The following TRPC4AP variants were observed in gnomAD, a reference collection of about 807,000 sequenced individuals.
TRPC4AP encodes short transient receptor potential channel 4-associated protein.
In TRPC4AP, 45 loss-of-function variants were observed where a neutral mutation model predicts 99.0. The ratio of observed to expected loss-of-function variants is 0.45; its 90% CI spans 0.36 to 0.58. The LOEUF (loss-of-function observed/expected upper bound fraction) is 0.58, where lower values mean the gene tolerates loss of function less well. Among genes scored for constraint, TRPC4AP ranks in the 20% least tolerant of loss-of-function variants. TRPC4AP has a pLI of 0.00. For missense variants in TRPC4AP, 879 were observed against 985.3 expected (o/e 0.89, Z 1.44); for synonymous variants, 408 against 385.8 (o/e 1.06, Z -0.67).
intron 9 of TRPC4AP, among the ~76,000 whole-genome samples, chr20:35,018,604 G>GAAAAAAAAAAAAAAAAA (rs11479211): frequency 4.2e-4 from 37 of 88,924 alleles, no homozygotes; most frequent in Non-Finnish European, 6.2e-4. Flanking sequence ...CTCAAAAAAA[G>GAAAAAAAAAAAAAAAAA]AAAAAAAAAA....
intron 11 of TRPC4AP, among the ~76,000 whole-genome samples, chr20:35,011,984 T>C (rs1352568987): frequency 6.6e-6 from 1 of 152,258 alleles, no homozygotes; most frequent in Admixed American, 6.5e-5. Flanking sequence ...TTTCAGACTC[T>C]GCCCTTCATG....
intron 9 of TRPC4AP, among the ~76,000 whole-genome samples, chr20:35,018,881 G>A (rs1224332615): frequency 6.6e-6 from 1 of 152,126 alleles, no homozygotes; most frequent in African/African-American, 2.4e-5. Flanking sequence ...TTGAACCCAA[G>A]TCCCTTGATA....
intron 8 of TRPC4AP, among the ~76,000 whole-genome samples, chr20:35,033,001 A>G (rs2083236906): frequency 6.6e-6 from 1 of 151,918 alleles, no homozygotes; most frequent in African/African-American, 2.4e-5. Flanking sequence ...TCAGGAGTTC[A>G]ATACCAGCAA....
intron 2 of TRPC4AP, among the ~76,000 whole-genome samples, chr20:35,073,572 G>C (rs1030539914): frequency 3.3e-5 from 5 of 152,140 alleles, no homozygotes; most frequent in African/African-American, 9.7e-5. Context: ...GATGGATTAC[G>C]TTTATTGATT....
intron 7 of TRPC4AP, among the ~76,000 whole-genome samples, chr20:35,043,022 C>A (rs1349210907): frequency 6.7e-6 from 1 of 150,300 alleles, no homozygotes; most frequent in African/African-American, 2.4e-5. Context: ...CTTATTCTCC[C>A]CCTGACTTAA....
chr20:35,010,809 C>T (rs6579208), intron 11 of TRPC4AP, among the ~76,000 whole-genome samples: 21,145 of 152,134 alleles, frequency 0.14, 1,845 homozygotes, highest in African/African-American at 0.25. Flanking sequence ...AGTCATCACA[C>T]GGTGCCAAAA....
chr20:35,080,538 A>AC (rs1478393777), intron 1 of TRPC4AP, among the ~76,000 whole-genome samples: 3 of 141,326 alleles, frequency 2.1e-5, no homozygotes, highest in Non-Finnish European at 4.6e-5. Flanking sequence ...TCCATCTAAA[A>AC]AAAAAAAAAA....
chr20:35,006,653 T>C (rs992937125), intron 14 of TRPC4AP, 78 bp from the exon 15 acceptor site: 30 of 1,550,050 alleles, frequency 1.9e-5, no homozygotes, highest in Middle Eastern at 3.5e-4. Context: ...AGACCATGCA[T>C]TGGCTTTGAG....
intron 2 of TRPC4AP, among the ~76,000 whole-genome samples, chr20:35,071,147 T>A (rs2084303781): frequency 6.6e-6 from 1 of 152,222 alleles, no homozygotes; most frequent in African/African-American, 2.4e-5. Flanking sequence ...AAGACTAAGT[T>A]TAATTAGTTT....
chr20:35,084,544 GTATA>G (rs548807714), intron 1 of TRPC4AP, among the ~76,000 whole-genome samples: 1 of 146,314 alleles, frequency 6.8e-6, no homozygotes, highest in African/African-American at 2.5e-5. Flanking sequence ...ATATGTATAT[GTATA>G]TATGTTTATA....
intron 2 of TRPC4AP, among the ~76,000 whole-genome samples, chr20:35,073,225 G>C (rs1569144541): frequency 6.6e-6 from 1 of 152,080 alleles, no homozygotes; most frequent in Non-Finnish European, 1.5e-5. Context: ...CTGCAAACAG[G>C]GACAATTTGA....
chr20:35,085,820 G>T (rs2084826061), intron 1 of TRPC4AP, among the ~76,000 whole-genome samples: 1 of 152,002 alleles, frequency 6.6e-6, no homozygotes, highest in Non-Finnish European at 1.5e-5. Flanking sequence ...TAGCAAATAT[G>T]ACATTTCTAG....
intron 5 of TRPC4AP, among the ~76,000 whole-genome samples, chr20:35,052,646 C>A (rs1239413168): frequency 1.3e-5 from 2 of 152,034 alleles, no homozygotes; most frequent in Non-Finnish European, 2.9e-5. Flanking sequence ...CATGTACCAC[C>A]ACACCTGGCT....
intron 8 of TRPC4AP, among the ~76,000 whole-genome samples, chr20:35,023,910 T>G (rs994241114): frequency 1.3e-5 from 2 of 152,230 alleles, no homozygotes; most frequent in African/African-American, 4.8e-5. Flanking sequence ...GTGCCTGGCT[T>G]GCGCAGGCCT....
chr20:35,024,386 G>A (rs2082968028), intron 8 of TRPC4AP, among the ~76,000 whole-genome samples: 1 of 152,044 alleles, frequency 6.6e-6, no homozygotes, highest in South Asian at 2.1e-4. Context: ...GCCTGTTCAG[G>A]ACACTTCATA....
At chr20:35,032,310 C>A (rs558365197) in intron 8 of TRPC4AP, among the ~76,000 whole-genome samples, 1 of 152,160 alleles carries the variant, frequency 6.6e-6, no homozygotes, top group African/African-American at 2.4e-5. Context: ...CAGGTGTGAG[C>A]CACCACACCT....
chr20:35,012,280 T>G (rs2082656111), intron 11 of TRPC4AP, among the ~76,000 whole-genome samples: 1 of 152,234 alleles, frequency 6.6e-6, no homozygotes, highest in South Asian at 2.1e-4. Context: ...TTAAAATATT[T>G]AAACCAACAT....
At chr20:35,057,446 G>T in intron 4 of TRPC4AP, 68 bp downstream of exon 4, 1 of 1,286,910 alleles carries the variant, frequency 7.8e-7, no homozygotes, top group Non-Finnish European at 1.1e-6. Flanking sequence ...GAAGAAGGCA[G>T]CTGCTGGGAA....
intron 2 of TRPC4AP, among the ~76,000 whole-genome samples, chr20:35,077,712 T>C (rs2084521054): frequency 6.6e-6 from 1 of 152,164 alleles, no homozygotes. Flanking sequence ...TTCAGCAGTA[T>C]GTAATCTTCT....
Sources: allele counts gnomAD v4.1 joint callset (sites outside exome capture counted in the v4.1 genomes callset), GRCh38; gene constraint gnomAD v4.1.1; transcripts MANE v1.5; gene names NCBI Gene and HGNC (gene_info 2026-07-23, HGNC 2026-07-21).